Variants in TSPAN11 observed in about 807,000 individuals in gnomAD.
TSPAN11 encodes tetraspanin-11.
Under a neutral mutation model 32.9 loss-of-function variants are expected in TSPAN11, and 29 were observed. The ratio of observed to expected loss-of-function variants is 0.88; its 90% CI spans 0.66 to 1.20. The LOEUF (loss-of-function observed/expected upper bound fraction) is 1.20. TSPAN11 is among the 50% of genes most tolerant of loss of function. The probability of loss-of-function intolerance (pLI) is 0.00; values close to 1 mark genes in which losing one functional copy is unlikely to be tolerated. For synonymous variants in TSPAN11, 140 were observed against 141.3 expected (o/e 0.99, Z 0.07); for missense variants, 283 against 329.1 (o/e 0.86, Z 1.08).
Position 30,950,662 on chromosome 12 carries a change from G to A in TSPAN11, c.-11-3319G>A, listed in dbSNP as rs150117956. Among the ~76,000 whole-genome samples, 9 of 152,322 alleles carry A rather than the reference G, an allele frequency of 5.9e-5. No individual in the cohort carries two copies. In the East Asian group the frequency reaches 1.7e-3, roughly 29 times the overall value. On this transcript the variant is annotated intron_variant, in intron 1 of 7. Coordinates refer to ENST00000546076, the MANE Select transcript of TSPAN11 (RefSeq NM_001370302.1). ...TGTACACTCAGTTTGCAGGTAAGCA[G>A]CTCAGGGATGGTATGGCAGCTCTAA...
chr12:30,980,590 G>A (rs548021894), intron 5 of TSPAN11, among the ~76,000 whole-genome samples: 28 of 147,398 alleles, frequency 1.9e-4, no homozygotes, highest in South Asian at 7.0e-4. Flanking sequence ...TCTTGGCTCC[G>A]GAACGTCAGG....
At chr12:30,930,583 G>A (rs1421440067) in intron 1 of TSPAN11, among the ~76,000 whole-genome samples, 2 of 152,224 alleles carry the variant, frequency 1.3e-5, no homozygotes, top group African/African-American at 4.8e-5. Context: ...GTAAATCGAG[G>A]AAATGACCTC....
At chr12:30,963,729 A>C (rs1044028685) in intron 2 of TSPAN11, 97 bp from the exon 3 acceptor site, 1 of 1,321,670 alleles carries the variant, frequency 7.6e-7, no homozygotes, top group Non-Finnish European at 1.0e-6. Context: ...TGAATGAGCC[A>C]GTGCAAGAGA....
At chr12:31,000,771 C>T (rs192557245), downstream of TSPAN11, among the ~76,000 whole-genome samples, 2 of 152,320 alleles carry the variant, frequency 1.3e-5, no homozygotes, top group Admixed American at 6.5e-5. Flanking sequence ...CAAAAGAAGA[C>T]GTTTAATTAC....
At chr12:30,963,622 G>T (rs75693061) in intron 2 of TSPAN11, among the ~76,000 whole-genome samples, 1,834 of 152,362 alleles carry the variant, frequency 0.012, 41 homozygotes, top group African/African-American at 0.04. Context: ...GGCTCTGCAG[G>T]TTGCTTACCT....
At chr12:31,008,046 T>C in the TSPAN11 span, among the ~76,000 whole-genome samples, 3 of 151,796 alleles carry the variant, frequency 2.0e-5, no homozygotes, top group Admixed American at 2.0e-4. Flanking sequence ...GAGAGGCAGG[T>C]GGCCACACAG....
intron 3 of TSPAN11, among the ~76,000 whole-genome samples, chr12:30,973,384 T>TA (rs1305240627): frequency 1.3e-5 from 2 of 152,236 alleles, no homozygotes; most frequent in African/African-American, 4.8e-5. Context: ...CGTGGGCTGT[T>TA]ACTGTTACAT....
chr12:30,931,648 G>A (rs566003338), intron 1 of TSPAN11, among the ~76,000 whole-genome samples: 1 of 152,194 alleles, frequency 6.6e-6, no homozygotes, highest in East Asian at 1.9e-4. Context: ...GGGAGGTCGA[G>A]GCAGGCAGAT....
At chr12:30,936,795 T>C (rs560365592) in intron 1 of TSPAN11, among the ~76,000 whole-genome samples, 3 of 152,280 alleles carry the variant, frequency 2.0e-5, no homozygotes, top group Admixed American at 1.3e-4. Context: ...CAGCAGGCTT[T>C]GAGAGTCATC....
chr12:30,939,130 A>G (rs1938105543), intron 1 of TSPAN11, among the ~76,000 whole-genome samples: 1 of 151,668 alleles, frequency 6.6e-6, no homozygotes, highest in Admixed American at 6.6e-5. Flanking sequence ...AGTCCCAGCT[A>G]CTCATGAGGC....
intron 1 of TSPAN11, among the ~76,000 whole-genome samples, chr12:30,942,873 C>G (rs933772535): frequency 6.6e-6 from 1 of 152,124 alleles, no homozygotes; most frequent in Non-Finnish European, 1.5e-5. Flanking sequence ...GCAATCTGAC[C>G]CTAAGTTTGG....
At chr12:30,978,948 A>G (rs1348625781) in intron 4 of TSPAN11, 4 of 379,648 alleles carry the variant, frequency 1.1e-5, no homozygotes, top group Middle Eastern at 7.3e-4. Context: ...GAGACATCCA[A>G]GAAGAAAGGC....
In TSPAN11 at chr12:30,978,567, T is replaced by C. The variant is rs1205118196; in HGVS notation, c.283T>C (p.Cys95Arg). ...ERKGCLSTYF[C>R]LLLVIFLVEL... ...CCTCTCTCTTTGCTGCTAGTATTTC[T>C]GCCTGTTGCTCGTCATCTTCCTGGT... The change falls in exon 4 of 8, where the codon TGC becomes CGC. Residue 95 changes from cysteine (C) to arginine (R), a missense_variant. Cys to Arg is a radical substitution (Grantham distance 180). Coordinates refer to ENST00000546076, the MANE Select transcript of TSPAN11 (RefSeq NM_001370302.1). The C allele has an allele frequency of 6.2e-7, 1 of 1,614,120 alleles. No individual in the cohort carries two copies. The highest frequency in any genetic ancestry group is 8.5e-7 in the Non-Finnish European group (1 of 1,180,046).
intron 1 of TSPAN11, among the ~76,000 whole-genome samples, chr12:30,935,426 C>T (rs1337228210): frequency 2.1e-5 from 3 of 144,810 alleles, no homozygotes; most frequent in Non-Finnish European, 3.0e-5. Context: ...TCTTGTCGCC[C>T]AGGCTGGAGT....
downstream of TSPAN11, among the ~76,000 whole-genome samples, chr12:30,998,676 G>A (rs1203213090): frequency 2.0e-5 from 3 of 152,158 alleles, no homozygotes; most frequent in Middle Eastern, 3.4e-3. Context: ...AGCAAGGAAC[G>A]TCACTGCAGT....
At position 30,977,521 on chromosome 12, in the gene TSPAN11, C is replaced by T. The variant is rs937065778; in HGVS notation, c.277-1040C>T. Among the ~76,000 whole-genome samples, 3 of 150,640 alleles carry T rather than the reference C, an allele frequency of 2.0e-5. No homozygotes were observed. The South Asian group carries it at 6.3e-4, about 31-fold the overall frequency. On this transcript the variant is annotated intron_variant, in intron 3 of 7. Coordinates refer to ENST00000546076, the MANE Select transcript of TSPAN11 (RefSeq NM_001370302.1). ...AGCTTCCCCACAGTGGGGCCAATTT[C>T]CATCAGTAGTGCTCCCCCTCTCTCC...
At chr12:30,977,029 CTG>C (rs1256484788) in intron 3 of TSPAN11, among the ~76,000 whole-genome samples, 2 of 152,358 alleles carry the variant, frequency 1.3e-5, no homozygotes, top group African/African-American at 2.4e-5. Context: ...ACTGGAAACT[CTG>C]TGTCCCTGAT....
chr12:30,991,760 G>GTA (rs1939315664), intron 7 of TSPAN11, 96 bp from the exon 8 acceptor site: 1 of 1,330,582 alleles, frequency 7.5e-7, no homozygotes, highest in Non-Finnish European at 1.1e-6. Flanking sequence ...AGGCCCCAGG[G>GTA]TATTCGAGTG....
At chr12:31,007,463 C>T in the TSPAN11 span, among the ~76,000 whole-genome samples, 11 of 152,172 alleles carry the variant, frequency 7.2e-5, no homozygotes, top group Non-Finnish European at 1.3e-4. Flanking sequence ...GTCTGCCCTA[C>T]CTGCCCCAGC....
Sources: allele counts gnomAD v4.1 joint callset (sites outside exome capture counted in the v4.1 genomes callset), GRCh38; gene constraint gnomAD v4.1.1; transcripts MANE v1.5; gene names NCBI Gene and HGNC (gene_info 2026-07-23, HGNC 2026-07-21).